ZNF713: variants seen among roughly 807,000 people sequenced by gnomAD.
ZNF713 encodes the protein zinc finger protein 713.
Under a neutral mutation model 28.7 loss-of-function variants are expected in ZNF713, and 21 were observed. The observed-to-expected ratio is 0.73, with a 90% CI of 0.52 to 1.05. ZNF713 has a LOEUF of 1.05. ZNF713 is among the 50% of genes least tolerant of loss of function. The pLI is 0.00. For synonymous variants in ZNF713, 167 were observed against 178.0 expected, an observed-to-expected ratio of 0.94 and a Z score of 0.49; for missense variants, 458 against 532.4, an observed-to-expected ratio of 0.86 and a Z score of 1.37.
chr7:55,932,701 G>A (rs1472914249), intron 6 of ZNF713, among the ~76,000 whole-genome samples: 4 of 149,244 alleles, frequency 2.7e-5, no homozygotes, highest in African/African-American at 7.4e-5. Flanking sequence ...TGGCTAACAA[G>A]GTGAAACCCC....
intron 2 of ZNF713, among the ~76,000 whole-genome samples, chr7:55,910,381 G>C (rs1457110479): frequency 2.0e-5 from 3 of 152,052 alleles, no homozygotes; most frequent in East Asian, 3.9e-4. Flanking sequence ...AGTTCTTAGG[G>C]GAATGCTTTC....
intron 1 of ZNF713, among the ~76,000 whole-genome samples, chr7:55,892,566 A>C (rs1562733984): frequency 6.7e-6 from 1 of 149,882 alleles, no homozygotes; most frequent in Non-Finnish European, 1.5e-5. Flanking sequence ...AAAAAAAAAA[A>C]AAAAAAAAAA....
chr7:55,894,150 G>A (rs1169414466), intron 1 of ZNF713, among the ~76,000 whole-genome samples: 1 of 152,180 alleles, frequency 6.6e-6, no homozygotes, highest in Non-Finnish European at 1.5e-5. Context: ...ACATAACAGG[G>A]TCCCTTTATT....
Position 55,887,645 on chromosome 7 carries a change from G to GCGGCGGCGGCGGCGGCGGC in ZNF713, c.-618_-617insCGGCGGCGGCGGCGGCGGC, listed in dbSNP as rs1562730825. On this transcript the variant is annotated 5_prime_UTR_variant, in exon 1 of 7. Transcript: ENST00000429591. ...CGGCGGCGGCGGCGGCGGCGTCAGG[G>GCGGCGGCGGCGGCGGCGGC]GGCGGAGCCTGCCGAAGCGCCCTTT... 2 of 182,618 alleles carry GCGGCGGCGGCGGCGGCGGC rather than the reference G, an allele frequency of 1.1e-5. No homozygotes were observed. The highest frequency in any genetic ancestry group is 1.1e-5 in the Non-Finnish European group (1 of 93,988). 11.3% of individuals were successfully genotyped at this position (182,618 alleles called of 1,614,324 possible).
Position 55,928,470 on chromosome 7 carries a change from G to C in ZNF713, c.307+4771G>C, listed in dbSNP as rs1187690105. ...GGAGAGTCAAAGAAATGGAGGTGTA[G>C]AAGAGGTCAGAAAGAGACAGAATGT... On this transcript the variant is annotated intron_variant, in intron 6 of 6. Coordinates refer to ENST00000429591, the MANE Select transcript of ZNF713 (RefSeq NM_182633.3). Among the ~76,000 whole-genome samples the C allele has an allele frequency of 8.5e-5, 13 of 152,140 alleles. No homozygotes were observed. The East Asian group carries it at 2.5e-3, about 29-fold the overall frequency.
intron 1 of ZNF713, among the ~76,000 whole-genome samples, chr7:55,895,286 T>G (rs1354984214): frequency 6.6e-6 from 1 of 152,048 alleles, no homozygotes; most frequent in Non-Finnish European, 1.5e-5. Context: ...AATGTGACAT[T>G]GATTAGATAG....
At chr7:55,888,657 G>C (rs1223500977) in intron 1 of ZNF713, among the ~76,000 whole-genome samples, 1 of 152,134 alleles carries the variant, frequency 6.6e-6, no homozygotes, top group Non-Finnish European at 1.5e-5. Context: ...TGGGATTACA[G>C]GCATGAGCCA....
chr7:55,936,977 T>A (rs1786361632), intron 6 of ZNF713, among the ~76,000 whole-genome samples: 1 of 152,252 alleles, frequency 6.6e-6, no homozygotes, highest in East Asian at 1.9e-4. Context: ...ACACAGTCCC[T>A]AATCCCTAAC....
Position 55,904,082 on chromosome 7 carries a change from G to GCCAGACTGTATCTTTAAAAAAAAAA in ZNF713, c.-582-2171_-582-2170insCCAGACTGTATCTTTAAAAAAAAAA. On this transcript the variant is annotated intron_variant, in intron 1 of 6. Transcript: ENST00000429591. Reference sequence around the variant, plus strand: ...ATAAAAGGCAGGCAAAGGAAAAAGAGACTAGATCACAGCTCCCTGAGAGAG... The same window carrying GCCAGACTGTATCTTTAAAAAAAAAA: ...ATAAAAGGCAGGCAAAGGAAAAAGAGCCAGACTGTATCTTTAAAAAAAAAAACTAGATCACAGCTCCCTGAGAGAG... Among the ~76,000 whole-genome samples the GCCAGACTGTATCTTTAAAAAAAAAA allele has an allele frequency of 7.9e-4, 100 of 126,670 alleles. 5 individuals carry two copies. Among genetic ancestry groups the GCCAGACTGTATCTTTAAAAAAAAAA allele is most frequent in the East Asian group, 1.3e-3 (5 of 3,840 alleles). The allele number at this position is 126,670 out of a possible 152,430, so 83.1% of individuals were successfully genotyped here. A position where few individuals can be genotyped will look rare whatever the true frequency, so the allele number is the denominator to read the frequency against.
chr7:55,935,567 A>C (rs1039026982), intron 6 of ZNF713, among the ~76,000 whole-genome samples: 5 of 152,154 alleles, frequency 3.3e-5, no homozygotes, highest in African/African-American at 1.2e-4. Context: ...CCTGCATATC[A>C]AAGTAGGTGT....
At chr7:55,929,017 A>T (rs1786158389) in intron 6 of ZNF713, among the ~76,000 whole-genome samples, 1 of 151,420 alleles carries the variant, frequency 6.6e-6, no homozygotes, top group Non-Finnish European at 1.5e-5. Flanking sequence ...ACACGCCTGT[A>T]GTCCCAGCCA....
At chr7:55,919,518 T>TG in intron 4 of ZNF713, among the ~76,000 whole-genome samples, 1 of 103,158 alleles carries the variant, frequency 9.7e-6, no homozygotes. Context: ...TTTTTTTTTT[T>TG]TTTTTGAGAT....
intron 4 of ZNF713, among the ~76,000 whole-genome samples, chr7:55,917,260 G>GAA (rs138528824): frequency 2.3e-4 from 32 of 139,894 alleles, no homozygotes; most frequent in South Asian, 4.5e-4. Flanking sequence ...CATCTGCATG[G>GAA]AAAAAAAAAA....
chr7:55,889,721 G>GT (rs1202903639), intron 1 of ZNF713, among the ~76,000 whole-genome samples: 2 of 152,124 alleles, frequency 1.3e-5, no homozygotes, highest in Non-Finnish European at 2.9e-5. Flanking sequence ...TTTAATTTGA[G>GT]TGCAGATTTG....
At chr7:55,912,798 G>A in intron 4 of ZNF713, 75 bp downstream of exon 4, 1 of 1,221,574 alleles carries the variant, frequency 8.2e-7, no homozygotes, top group Non-Finnish European at 1.2e-6. Context: ...TCATTTCTCA[G>A]AAGTGCTGAG....
chr7:55,920,689 G>A (rs1785976698), intron 4 of ZNF713, among the ~76,000 whole-genome samples: 1 of 152,242 alleles, frequency 6.6e-6, no homozygotes, highest in Non-Finnish European at 1.5e-5. Context: ...TGATGAAGGT[G>A]ACTGTACTAA....
Position 55,939,416 on chromosome 7 carries a change from ATTC to A in ZNF713, c.748_750del (p.Leu250del), listed in dbSNP as rs746656127. ...GTGTGGAAAAATCTTCAATCAACAT[ATTC>A]TTCTTACTGATCATATTCATACTGC... On this transcript the variant is annotated inframe_deletion, in exon 7 of 7. Transcript: ENST00000429591. The A allele has an allele frequency of 2.5e-6, 4 of 1,613,816 alleles. No homozygotes were observed. The highest frequency in any genetic ancestry group is 4.5e-5 in the East Asian group (2 of 44,896).
At chr7:55,905,082 T>A (rs1235281473) in intron 1 of ZNF713, among the ~76,000 whole-genome samples, 1 of 152,132 alleles carries the variant, frequency 6.6e-6, no homozygotes, top group Non-Finnish European at 1.5e-5. Context: ...CCAGTCTAGA[T>A]CCCACTGTCT....
At position 55,887,871 on chromosome 7, in the gene ZNF713, C is replaced by CGGCGGCGGCG. The variant is rs1562731852; in HGVS notation, c.-583+193_-583+202dup. 7.3e-4 allele frequency among the ~76,000 whole-genome samples: 2 copies of CGGCGGCGGCG among 2,746 alleles called. 1 individual carries two copies. The highest frequency in any genetic ancestry group is 1.5e-3 in the Non-Finnish European group (2 of 1,322). 1.8% of individuals were successfully genotyped at this position (2,746 alleles called of 152,430 possible). Reference sequence around the variant, plus strand: ...GGCGGCGGCGGGCGGCGGGCGGCGGCGGCGGCGGCGGCGGCGGGCGGCGGC... The same window carrying CGGCGGCGGCG: ...GGCGGCGGCGGGCGGCGGGCGGCGGCGGCGGCGGCGGGCGGCGGCGGCGGCGGGCGGCGGC... On this transcript the variant is annotated intron_variant, in intron 1 of 6. Transcript: ENST00000429591.
Sources: gnomAD v4.1 joint callset for allele counts (sites outside exome capture counted in the v4.1 genomes callset) on GRCh38, gnomAD v4.1.1 for gene constraint, MANE v1.5 for transcripts, NCBI Gene and HGNC (gene_info 2026-07-23, HGNC 2026-07-21) for gene names.